ARHGAP12: variants seen among roughly 807,000 people sequenced by gnomAD.
The protein encoded by ARHGAP12 is rho GTPase-activating protein 12.
ARHGAP12 carries 64 observed loss-of-function variants against 108.6 expected under a neutral mutation model. The ratio of observed to expected loss-of-function variants is 0.59; its 90% CI spans 0.48 to 0.73. ARHGAP12 has a LOEUF of 0.73. Among genes scored for constraint, ARHGAP12 ranks in the 30% least tolerant of loss-of-function variants. The probability of loss-of-function intolerance (pLI) is 0.00; values close to 1 mark genes in which losing one functional copy is unlikely to be tolerated. For synonymous variants in ARHGAP12, 312 were observed against 337.2 expected, an observed-to-expected ratio of 0.93 and a Z score of 0.82; for missense variants, 940 against 1,005.9, an observed-to-expected ratio of 0.93 and a Z score of 0.89.
intron 3 of ARHGAP12, among the ~76,000 whole-genome samples, chr10:31,890,288 T>C (rs1200604610): frequency 6.6e-6 from 1 of 152,214 alleles, no homozygotes; most frequent in African/African-American, 2.4e-5. Context: ...GCAACAATTA[T>C]ACTAGTGCTC....
intron 6 of ARHGAP12, among the ~76,000 whole-genome samples, chr10:31,847,501 C>T (rs183064130): frequency 1.2e-4 from 19 of 152,274 alleles, no homozygotes; most frequent in Middle Eastern, 3.4e-3. Flanking sequence ...TTTCAGTTCT[C>T]AAAGATTTTG....
intron 13 of ARHGAP12, among the ~76,000 whole-genome samples, chr10:31,814,937 A>G (rs1274551142): frequency 6.6e-6 from 1 of 151,932 alleles, no homozygotes; most frequent in Non-Finnish European, 1.5e-5. Context: ...GGCCAACATC[A>G]TGAAACCCCC....
intron 5 of ARHGAP12, 94 bp from the exon 6 acceptor site, chr10:31,852,691 T>C (rs2132282626): frequency 7.3e-6 from 6 of 817,928 alleles, no homozygotes; most frequent in Non-Finnish European, 1.2e-5. Flanking sequence ...TCTTATGAAT[T>C]TTATTCTACT....
At chr10:31,914,446 C>CAA (rs141278286) in intron 1 of ARHGAP12, among the ~76,000 whole-genome samples, 5 of 139,434 alleles carry the variant, frequency 3.6e-5, no homozygotes, top group African/African-American at 1.3e-4. Context: ...AACTCAATAG[C>CAA]AAAAAAAAAA....
intron 10 of ARHGAP12, among the ~76,000 whole-genome samples, chr10:31,830,745 T>C (rs1054007839): frequency 2.6e-5 from 4 of 151,926 alleles, no homozygotes; most frequent in African/African-American, 7.3e-5. Flanking sequence ...AACAATCCAA[T>C]AGAAAAACAG....
At chr10:31,926,202 C>T (rs987765271) in intron 1 of ARHGAP12, among the ~76,000 whole-genome samples, 1 of 151,998 alleles carries the variant, frequency 6.6e-6, no homozygotes, top group Non-Finnish European at 1.5e-5. Context: ...CAGTTCAGTT[C>T]AATTAAAGAG....
intron 1 of ARHGAP12, among the ~76,000 whole-genome samples, chr10:31,924,521 T>A (rs538147400): frequency 6.6e-6 from 1 of 152,322 alleles, no homozygotes; most frequent in East Asian, 1.9e-4. Flanking sequence ...CATGTTTCAC[T>A]TAGATTAATG....
chr10:31,839,779 G>T, intron 7 of ARHGAP12, 68 bp from the exon 8 acceptor site: 2 of 1,291,578 alleles, frequency 1.5e-6, no homozygotes, highest in Non-Finnish European at 2.1e-6. Flanking sequence ...TCTACTCACA[G>T]TGGGAGAGCT....
chr10:31,844,055 A>C (rs753765005), intron 6 of ARHGAP12, among the ~76,000 whole-genome samples: 50 of 152,302 alleles, frequency 3.3e-4, no homozygotes, highest in African/African-American at 1.1e-3. Context: ...TAAAAACCTA[A>C]ACCAAAAATT....
intron 3 of ARHGAP12, among the ~76,000 whole-genome samples, chr10:31,868,196 T>TAA (rs879326927): frequency 7.4e-6 from 1 of 135,074 alleles, no homozygotes. Flanking sequence ...AGACTCCATC[T>TAA]AAAAAAAAAA....
intron 7 of ARHGAP12, among the ~76,000 whole-genome samples, chr10:31,840,849 C>G (rs992718030): frequency 3.3e-5 from 5 of 152,184 alleles, no homozygotes; most frequent in Middle Eastern, 3.4e-3. Context: ...AAACAAGGTA[C>G]TATTAATGGA....
At chr10:31,883,181 G>C (rs1838050027) in intron 3 of ARHGAP12, among the ~76,000 whole-genome samples, 1 of 152,092 alleles carries the variant, frequency 6.6e-6, no homozygotes, top group Non-Finnish European at 1.5e-5. Context: ...TGTAATCCCA[G>C]CTACTCCGGA....
Position 31,908,525 on chromosome 10 carries a change from G to A in ARHGAP12, c.331C>T (p.Pro111Ser). Reference sequence around the variant, plus strand: ...GGCTTTCCGAAACTTGAAAGCTCAGGCAATTTGTTCACATTTTCTGTTGAT... The same window carrying A: ...GGCTTTCCGAAACTTGAAAGCTCAGACAATTTGTTCACATTTTCTGTTGAT... Reference protein sequence around the residue: ...QRSTENVNKLPELSSFGKPSS... With the variant: ...QRSTENVNKLSELSSFGKPSS... Residue 111 changes from proline to serine, a missense_variant, in exon 3 of 20, where the codon CCT becomes TCT. Physicochemically the swap from Pro to Ser is moderately conservative, Grantham distance 74 (BLOSUM62 -1). Coordinates refer to ENST00000344936, the MANE Select transcript of ARHGAP12 (RefSeq NM_018287.7). The A allele has an allele frequency of 1.9e-6, 3 of 1,614,120 alleles. No individual in the cohort carries two copies. The highest frequency in any genetic ancestry group is 2.5e-6 in the Non-Finnish European group (3 of 1,180,024).
chr10:31,834,142 C>T (rs1835929842), intron 9 of ARHGAP12, among the ~76,000 whole-genome samples: 1 of 152,170 alleles, frequency 6.6e-6, no homozygotes, highest in Non-Finnish European at 1.5e-5. Context: ...AATATCTCCA[C>T]TTCAATGTTA....
At position 31,849,044 on chromosome 10, in the gene ARHGAP12, C is replaced by CG. The variant is rs372145072; in HGVS notation, c.1170+3472dup. Among the ~76,000 whole-genome samples the CG allele has an allele frequency of 3.8e-4, 57 of 150,598 alleles. 1 individual carries two copies. The highest frequency in any genetic ancestry group is 1.4e-3 in the African/African-American group (56 of 40,846). The stretch of plus-strand genomic sequence containing the variant: ...CTGCACTCCAGCCTGGGCGACAGAG[C>CG]GAGACTCGTCTTTAAAAAAAAAAAA... On this transcript the variant is annotated intron_variant, in intron 6 of 19. Coordinates refer to ENST00000344936, the MANE Select transcript of ARHGAP12 (RefSeq NM_018287.7).
intron 3 of ARHGAP12, among the ~76,000 whole-genome samples, chr10:31,877,749 A>C (rs1002174529): frequency 6.6e-6 from 1 of 152,230 alleles, no homozygotes; most frequent in Non-Finnish European, 1.5e-5. Flanking sequence ...TAAAATAATG[A>C]AAGAAAATCT....
At chr10:31,853,736 C>T (rs1393835173) in intron 5 of ARHGAP12, among the ~76,000 whole-genome samples, 1 of 152,194 alleles carries the variant, frequency 6.6e-6, no homozygotes, top group Non-Finnish European at 1.5e-5. Context: ...GATAATGGCA[C>T]AGAGAGAAAA....
chr10:31,870,314 C>T (rs530220315), intron 3 of ARHGAP12, among the ~76,000 whole-genome samples: 98 of 151,724 alleles, frequency 6.5e-4, no homozygotes, highest in African/African-American at 2.3e-3. Flanking sequence ...ACTGCAACCT[C>T]CGCCTCCTGC....
intron 3 of ARHGAP12, among the ~76,000 whole-genome samples, chr10:31,903,745 A>C (rs570893299): frequency 6.3e-5 from 9 of 143,476 alleles, no homozygotes; most frequent in South Asian, 2.2e-4. Flanking sequence ...AAAAAAAAAA[A>C]CTCTCAAAAT....
Sources: allele counts gnomAD v4.1 joint callset (sites outside exome capture counted in the v4.1 genomes callset), GRCh38; gene constraint gnomAD v4.1.1; transcripts MANE v1.5; gene names NCBI Gene and HGNC (gene_info 2026-07-23, HGNC 2026-07-21).